Variants in R3HDM2 observed in about 807,000 individuals in gnomAD.
The protein encoded by R3HDM2 is R3H domain-containing protein 2.
In R3HDM2, 38 loss-of-function variants were observed where a neutral mutation model predicts 124.5. The observed-to-expected ratio is 0.31, with a 90% confidence interval of 0.24 to 0.40. The LOEUF (loss-of-function observed/expected upper bound fraction) is 0.40, where lower values mean the gene tolerates loss of function less well. R3HDM2 is among the 10% of genes least tolerant of loss of function. R3HDM2 has a pLI of 1.00. For synonymous variants in R3HDM2, 391 were observed against 448.0 expected, an observed-to-expected ratio of 0.87 and a Z score of 1.61; for missense variants, 869 against 1,236.9, an observed-to-expected ratio of 0.70 and a Z score of 4.46.
chr12:57,277,765 C>T (rs2045191213), intron 14 of R3HDM2, among the ~76,000 whole-genome samples: 1 of 152,136 alleles, frequency 6.6e-6, no homozygotes, highest in Non-Finnish European at 1.5e-5. Context: ...TTTTCTTCTA[C>T]AGGAAAAGCT....
intron 1 of R3HDM2, among the ~76,000 whole-genome samples, chr12:57,426,990 AAATT>A (rs1336999342): frequency 6.6e-6 from 1 of 152,158 alleles, no homozygotes; most frequent in African/African-American, 2.4e-5. Flanking sequence ...GAGGATACGG[AAATT>A]AATAAAACAA....
intron 2 of R3HDM2, among the ~76,000 whole-genome samples, chr12:57,328,702 C>T (rs1488863236): frequency 6.6e-6 from 1 of 152,024 alleles, no homozygotes; most frequent in Non-Finnish European, 1.5e-5. Context: ...CTGCACCTGG[C>T]AGCAATAAAG....
intron 1 of R3HDM2, among the ~76,000 whole-genome samples, chr12:57,413,851 T>TCC (rs1566511410): frequency 2.1e-5 from 3 of 145,250 alleles, no homozygotes; most frequent in African/African-American, 7.5e-5. Flanking sequence ...CCCCCCCTTT[T>TCC]TTTTTTTTTT....
At chr12:57,392,567 C>T (rs1395127332) in intron 2 of R3HDM2, among the ~76,000 whole-genome samples, 1 of 152,128 alleles carries the variant, frequency 6.6e-6, no homozygotes, top group Admixed American at 6.6e-5. Flanking sequence ...TATAGAAGAA[C>T]AAAGATAAAG....
At chr12:57,334,500 A>G (rs751566098) in intron 2 of R3HDM2, among the ~76,000 whole-genome samples, 5 of 151,840 alleles carry the variant, frequency 3.3e-5, no homozygotes, top group Non-Finnish European at 7.4e-5. Flanking sequence ...GAAATAAAGC[A>G]TTTTCCATAG....
intron 2 of R3HDM2, among the ~76,000 whole-genome samples, chr12:57,374,683 T>TAAAAAA: frequency 3.6e-5 from 1 of 28,092 alleles, no homozygotes. Flanking sequence ...AATTCTATCT[T>TAAAAAA]AAAAAAAAAA....
Position 57,254,116 on chromosome 12 carries a change from TAGG to T in R3HDM2, c.*654_*656del. On this transcript the variant is annotated 3_prime_UTR_variant, in exon 24 of 24. Coordinates refer to ENST00000402412, the MANE Select transcript of R3HDM2 (RefSeq NM_001394031.1). ...AAGGAAGCTTGGGATGTTAAGGTAA[TAGG>T]AGGACAGTGTGGGACTTTCCCAATT... The T allele has an allele frequency of 2.2e-6, 1 of 452,286 alleles. No individual in the cohort carries two copies. The highest frequency in any genetic ancestry group is 1.6e-5 in the South Asian group (1 of 63,444). The allele number at this position is 452,286 out of a possible 1,614,324, so 28.0% of individuals were successfully genotyped here.
intron 2 of R3HDM2, among the ~76,000 whole-genome samples, chr12:57,342,889 G>A (rs1287714754): frequency 2.0e-5 from 3 of 151,992 alleles, no homozygotes; most frequent in Non-Finnish European, 4.4e-5. Context: ...TTCATTTTGG[G>A]GCAGAAGGCA....
intron 3 of R3HDM2, among the ~76,000 whole-genome samples, chr12:57,305,020 C>A (rs563423109): frequency 4.5e-4 from 69 of 152,180 alleles, no homozygotes; most frequent in African/African-American, 1.5e-3. Flanking sequence ...CCTGTCTCTA[C>A]TAAAAAATAC....
chr12:57,424,533 T>A (rs1185532202), intron 1 of R3HDM2, among the ~76,000 whole-genome samples: 1 of 152,106 alleles, frequency 6.6e-6, no homozygotes, highest in South Asian at 2.1e-4. Context: ...TAGTCTTCTG[T>A]TATTAATCCT....
chr12:57,404,282 T>G (rs1236432570), intron 1 of R3HDM2, among the ~76,000 whole-genome samples: 2 of 150,712 alleles, frequency 1.3e-5, no homozygotes, highest in Non-Finnish European at 3.0e-5. Context: ...CAGGCTGGTC[T>G]CGAACTCCCA....
At chr12:57,285,392 T>C (rs1027257743) in intron 12 of R3HDM2, among the ~76,000 whole-genome samples, 1 of 152,028 alleles carries the variant, frequency 6.6e-6, no homozygotes, top group Non-Finnish European at 1.5e-5. Flanking sequence ...CTGGCACAAC[T>C]GGTTAGGAAC....
At chr12:57,294,492 T>G (rs961732517) in intron 10 of R3HDM2, among the ~76,000 whole-genome samples, 1 of 152,150 alleles carries the variant, frequency 6.6e-6, no homozygotes, top group African/African-American at 2.4e-5. Flanking sequence ...AAGGACTCCC[T>G]CAAATACTCA....
chr12:57,354,253 C>G (rs2060997525), intron 2 of R3HDM2, among the ~76,000 whole-genome samples: 1 of 151,992 alleles, frequency 6.6e-6, no homozygotes, highest in East Asian at 1.9e-4. Context: ...TCCACAGTCT[C>G]ATCAACATTT....
intron 2 of R3HDM2, among the ~76,000 whole-genome samples, chr12:57,383,049 A>G (rs1341574380): frequency 6.6e-6 from 1 of 151,670 alleles, no homozygotes; most frequent in African/African-American, 2.4e-5. Flanking sequence ...AGGCCCGGCT[A>G]ATTTTTGTAT....
chr12:57,383,903 TGACA>T (rs1281318951), intron 2 of R3HDM2, among the ~76,000 whole-genome samples: 3 of 152,070 alleles, frequency 2.0e-5, no homozygotes, highest in African/African-American at 7.2e-5. Context: ...TAAAATTCCC[TGACA>T]AACAAGTAAA....
intron 2 of R3HDM2, among the ~76,000 whole-genome samples, chr12:57,347,021 G>A (rs2060155221): frequency 6.6e-6 from 1 of 152,114 alleles, no homozygotes. Context: ...GAGGCAGGAG[G>A]GTCACCTGAG....
At position 57,257,986 on chromosome 12, in the gene R3HDM2, C is replaced by A; in HGVS notation, c.2449+4G>T. ...TAGCAGCCAGCACTAATCTAACCCC[C>A]TACCCTGTGCTGGACCCCCAGGCCG... On this transcript the variant is annotated splice_donor_region_variant and intron_variant, in intron 21 of 23. Coordinates refer to ENST00000402412, the MANE Select transcript of R3HDM2 (RefSeq NM_001394031.1). 6.5e-7 allele frequency: 1 copy of A among 1,534,854 alleles called. No individual in the cohort carries two copies. The highest frequency in any genetic ancestry group is 1.3e-5 in the South Asian group (1 of 78,394).
intron 2 of R3HDM2, among the ~76,000 whole-genome samples, chr12:57,359,773 A>G (rs948663655): frequency 6.6e-5 from 10 of 151,602 alleles, no homozygotes; most frequent in Admixed American, 6.6e-4. Flanking sequence ...TAGATTAATT[A>G]AGCATTCTTA....
Sources: gnomAD v4.1 joint callset for allele counts (sites outside exome capture counted in the v4.1 genomes callset) on GRCh38, gnomAD v4.1.1 for gene constraint, MANE v1.5 for transcripts, NCBI Gene and HGNC (gene_info 2026-07-23, HGNC 2026-07-21) for gene names.